CEP170: variants seen among roughly 807,000 people sequenced by gnomAD.
The protein encoded by CEP170 is centrosomal protein 170, also known as centrosomal protein of 170 kDa.
A neutral mutation model predicts 151.9 loss-of-function variants in CEP170; 21 were observed. That is an observed-to-expected ratio of 0.14 (90% CI 0.10 to 0.20). The LOEUF (loss-of-function observed/expected upper bound fraction) is 0.20, where lower values mean the gene tolerates loss of function less well. Ranked by LOEUF, CEP170 falls within the 10% of genes least tolerant of loss-of-function variation. CEP170 has a pLI of 1.00. For synonymous variants in CEP170, 356 were observed against 648.8 expected (o/e 0.55, Z 6.86); for missense variants, 964 against 1,892.9 (o/e 0.51, Z 9.11).
At chr1:243,249,938 G>T (rs535170042) in intron 1 of CEP170, among the ~76,000 whole-genome samples, 1 of 152,142 alleles carries the variant, frequency 6.6e-6, no homozygotes, top group African/African-American at 2.4e-5. Flanking sequence ...AAAATTAGCC[G>T]GGCGTGCCTG....
chr1:243,221,089 G>C (rs953642018), intron 3 of CEP170, among the ~76,000 whole-genome samples: 3 of 152,016 alleles, frequency 2.0e-5, no homozygotes, highest in South Asian at 2.1e-4. Context: ...CAGTGGCGCT[G>C]TCTCGGCTCA....
At position 243,164,903 on chromosome 1, in the gene CEP170, T is replaced by C. The variant is rs1355262271; in HGVS notation, c.3057A>G (p.Ser1019=). 9 of 1,613,744 alleles carry C rather than the reference T, an allele frequency of 5.6e-6. No individual in the cohort carries two copies. The highest frequency in any genetic ancestry group is 6.8e-6 in the Non-Finnish European group (8 of 1,179,748). Residue 1019 remains serine (S), a synonymous_variant, in exon 13 of 20, where the codon TCA becomes TCG. Coordinates refer to ENST00000366542, the MANE Select transcript of CEP170 (RefSeq NM_014812.3). ...TTTGGTCATCATCTGTTAAGTCTAC[T>C]GAGGGCTGTCTTATTCTCCCACTGG... is the stretch of plus-strand genomic sequence containing the variant. ...VQSSGRIRQP[S]VDLTDDDQTS...
chr1:243,239,032 G>A (rs1250476124), intron 1 of CEP170, among the ~76,000 whole-genome samples: 1 of 152,032 alleles, frequency 6.6e-6, no homozygotes, highest in Non-Finnish European at 1.5e-5. Flanking sequence ...GGACTTCTTT[G>A]AAAACCCTGG....
intron 4 of CEP170, among the ~76,000 whole-genome samples, chr1:243,205,024 T>A (rs924665113): frequency 6.6e-6 from 1 of 152,092 alleles, no homozygotes; most frequent in Non-Finnish European, 1.5e-5. Flanking sequence ...AAGAGTCCAA[T>A]CACTGCCCCA....
In CEP170 at chr1:243,235,124, T is replaced by C. The variant is rs551237833; in HGVS notation, c.-41-9803A>G. ...ACTGGGGAAAGAGAATGGATCAAGA[T>C]AGAAAAAGTTCCTAATCTCACAGCA... On this transcript the variant is annotated intron_variant, in intron 1 of 19. Transcript: ENST00000366542. 1.9e-3 allele frequency among the ~76,000 whole-genome samples: 287 copies of C among 152,152 alleles called. 1 individual carries two copies. Among genetic ancestry groups the C allele is most frequent in the Non-Finnish European group, 2.9e-3 (196 of 67,990 alleles).
At chr1:243,224,051 G>A (rs1241476490) in intron 2 of CEP170, among the ~76,000 whole-genome samples, 1 of 152,088 alleles carries the variant, frequency 6.6e-6, no homozygotes, top group East Asian at 1.9e-4. Flanking sequence ...GCATTAAACT[G>A]TTTTCATTTC....
rs1373826163 is a variant in CEP170 at position 243,230,363 on chromosome 1, T to C, written c.-41-5042A>G. On this transcript the variant is annotated intron_variant, in intron 1 of 19. Coordinates refer to ENST00000366542, the MANE Select transcript of CEP170 (RefSeq NM_014812.3). Reference sequence around the variant, plus strand: ...AGTTCTCAAAAACCAAAAAATAACATAATGAAAATAAAGAAACAACAAAAA... The same window carrying C: ...AGTTCTCAAAAACCAAAAAATAACACAATGAAAATAAAGAAACAACAAAAA... Among the ~76,000 whole-genome samples the C allele has an allele frequency of 3.3e-5, 5 of 151,378 alleles. No homozygotes were observed. In the East Asian group the frequency reaches 9.7e-4, roughly 29 times the overall value.
Position 243,190,713 on chromosome 1 carries a change from T to C in CEP170, c.1108+305A>G, listed in dbSNP as rs527388776. On this transcript the variant is annotated intron_variant, in intron 8 of 19. Coordinates refer to ENST00000366542, the MANE Select transcript of CEP170 (RefSeq NM_014812.3). ...CAAGAAAATGATGGAACTCATCTTC[T>C]AGGGAACTCTACTGGTAAACTTAAT... is the stretch of plus-strand genomic sequence containing the variant. Among the ~76,000 whole-genome samples, 7 of 152,280 alleles carry C rather than the reference T, an allele frequency of 4.6e-5. No homozygotes were observed. In the South Asian group the frequency reaches 1.2e-3, roughly 27 times the overall value.
chr1:243,188,821 A>C (rs1265155667), intron 8 of CEP170, among the ~76,000 whole-genome samples: 42 of 151,354 alleles, frequency 2.8e-4, no homozygotes, highest in African/African-American at 1.0e-3. Flanking sequence ...ATTTGCTATA[A>C]TTACATTTAT....
chr1:243,182,855 T>C (rs1477575389), intron 10 of CEP170, among the ~76,000 whole-genome samples: 1 of 152,234 alleles, frequency 6.6e-6, no homozygotes, highest in Non-Finnish European at 1.5e-5. Context: ...TCATGGAGTT[T>C]ACATTTGTTT....
chr1:243,252,494 G>C (rs1377513059), intron 1 of CEP170, among the ~76,000 whole-genome samples: 1 of 151,882 alleles, frequency 6.6e-6, no homozygotes. Context: ...CTTTTTTTCA[G>C]TAGATAAAAA....
At chr1:243,132,135 A>T (rs1010618419) in intron 17 of CEP170, among the ~76,000 whole-genome samples, 1 of 152,224 alleles carries the variant, frequency 6.6e-6, no homozygotes, top group Non-Finnish European at 1.5e-5. Context: ...CTCTAGGATG[A>T]ACCCCAGTAG....
intron 16 of CEP170, among the ~76,000 whole-genome samples, chr1:243,137,544 G>A (rs1181522513): frequency 6.6e-6 from 1 of 152,010 alleles, no homozygotes; most frequent in Non-Finnish European, 1.5e-5. Context: ...TGGGAGGCTG[G>A]GGTGGGTGGA....
At chr1:243,248,746 TA>T (rs760201980) in intron 1 of CEP170, among the ~76,000 whole-genome samples, 7 of 152,214 alleles carry the variant, frequency 4.6e-5, no homozygotes, top group Non-Finnish European at 8.8e-5. Flanking sequence ...AGCCATTCTT[TA>T]AAAATATAAC....
intron 13 of CEP170, 75 bp downstream of exon 13, chr1:243,164,209 T>G: frequency 7.6e-7 from 1 of 1,308,824 alleles, no homozygotes; most frequent in Non-Finnish European, 9.8e-7. Context: ...GAACCTTACT[T>G]TTTTTTTTAA....
At chr1:243,201,600 C>T (rs1201083047) in intron 4 of CEP170, among the ~76,000 whole-genome samples, 1 of 152,156 alleles carries the variant, frequency 6.6e-6, no homozygotes, top group Non-Finnish European at 1.5e-5. Context: ...CAGTTCAGAG[C>T]ACTCATGACT....
Position 243,165,651 on chromosome 1 carries a change from G to A in CEP170, c.2309C>T (p.Ser770Leu), listed in dbSNP as rs762070802. ...TPTKLSSKNV[S>L]GQTDKCREET... ...CTCCCTACATTTATCTGTCTGACCT[G>A]AAACATTTTTGGAAGACAATTTAGT... is the stretch of plus-strand genomic sequence containing the variant. The change falls in exon 13 of 20, where the codon TCA becomes TTA. Residue 770 changes from serine (S) to leucine (L), a missense_variant. Coordinates refer to ENST00000366542, the MANE Select transcript of CEP170 (RefSeq NM_014812.3). 1.2e-6 allele frequency: 2 copies of A among 1,613,920 alleles called. No homozygotes were observed. Among genetic ancestry groups the A allele is most frequent in the Non-Finnish European group, 1.7e-6 (2 of 1,179,900 alleles).
intron 2 of CEP170, among the ~76,000 whole-genome samples, chr1:243,223,112 T>C (rs150049893): frequency 8.0e-4 from 122 of 152,342 alleles, no homozygotes; most frequent in African/African-American, 2.8e-3. Flanking sequence ...CACCATATTG[T>C]TGATGTATCA....
intron 3 of CEP170, among the ~76,000 whole-genome samples, chr1:243,219,017 G>T (rs1333718711): frequency 6.6e-6 from 1 of 152,152 alleles, no homozygotes; most frequent in Non-Finnish European, 1.5e-5. Flanking sequence ...GCGAATAATA[G>T]TCTACAAGTT....
Sources: allele counts gnomAD v4.1 joint callset (sites outside exome capture counted in the v4.1 genomes callset), GRCh38; gene constraint gnomAD v4.1.1; transcripts MANE v1.5; gene names NCBI Gene and HGNC (gene_info 2026-07-23, HGNC 2026-07-21).